Variants in DNAH8 observed in about 807,000 individuals in gnomAD.
DNAH8 encodes the protein axonemal beta dynein heavy chain 8.
A neutral mutation model predicts 562.1 loss-of-function variants in DNAH8; 382 were observed. The ratio of observed to expected loss-of-function variants is 0.68; its 90% CI spans 0.63 to 0.74. DNAH8 has a LOEUF of 0.74. Among genes scored for constraint, DNAH8 ranks in the 30% least tolerant of loss-of-function variants. The pLI is 0.00. For missense variants in DNAH8, 5,203 were observed against 5,620.4 expected (o/e 0.93, Z 2.37); for synonymous variants, 1,881 against 1,919.4 (o/e 0.98, Z 0.52).
intron 41 of DNAH8, 71 bp downstream of exon 41, chr6:38,853,418 G>A: frequency 6.5e-7 from 1 of 1,530,362 alleles, no homozygotes; most frequent in Non-Finnish European, 9.0e-7. Flanking sequence ...TTAGCAGGTG[G>A]TTGACCTGAT....
At chr6:38,796,343 A>G (rs1458079820) in intron 21 of DNAH8, among the ~76,000 whole-genome samples, 1 of 150,844 alleles carries the variant, frequency 6.6e-6, no homozygotes, top group East Asian at 1.9e-4. Flanking sequence ...CTCCATCCTC[A>G]TCCCAAGTCC....
At chr6:38,817,221 T>C (rs2150324426) in intron 26 of DNAH8, among the ~76,000 whole-genome samples, 1 of 152,268 alleles carries the variant, frequency 6.6e-6, no homozygotes, top group South Asian at 2.1e-4. Flanking sequence ...GGCACACACC[T>C]GTAATCCTAG....
chr6:38,861,747 T>A (rs1331883258), intron 43 of DNAH8, among the ~76,000 whole-genome samples: 1 of 152,306 alleles, frequency 6.6e-6, no homozygotes, highest in East Asian at 1.9e-4. Flanking sequence ...TTGGCCAGGC[T>A]GGTCTTGAAC....
At chr6:38,941,145 G>A (rs918855420) in intron 79 of DNAH8, among the ~76,000 whole-genome samples, 1 of 151,816 alleles carries the variant, frequency 6.6e-6, no homozygotes, top group Non-Finnish European at 1.5e-5. Context: ...AATCTAGACA[G>A]TCCAAGAGAA....
chr6:38,732,852 A>G (rs1763761227), intron 4 of DNAH8, among the ~76,000 whole-genome samples: 1 of 151,998 alleles, frequency 6.6e-6, no homozygotes, highest in Non-Finnish European at 1.5e-5. Context: ...CAGACAAAAC[A>G]TTTCTGTGGC....
At chr6:38,830,062 A>C (rs1773699052) in intron 30 of DNAH8, among the ~76,000 whole-genome samples, 1 of 152,148 alleles carries the variant, frequency 6.6e-6, no homozygotes, top group Non-Finnish European at 1.5e-5. Context: ...AGTTTAGGTA[A>C]AGGTAGTCAA....
intron 82 of DNAH8, among the ~76,000 whole-genome samples, chr6:38,952,885 C>T (rs1762014146): frequency 6.6e-6 from 1 of 152,210 alleles, no homozygotes; most frequent in African/African-American, 2.4e-5. Context: ...GTATTTACTG[C>T]AGCACACCAG....
intron 52 of DNAH8, 118 bp from the exon 53 acceptor site, chr6:38,875,473 C>G: frequency 1.6e-6 from 1 of 635,574 alleles, no homozygotes; most frequent in Non-Finnish European, 2.5e-6. Flanking sequence ...CAAGCAATAG[C>G]TTGAGATATA....
chr6:38,899,904 C>T lies in DNAH8; in HGVS notation c.9192C>T (p.Thr3064=). 1 of 1,580,410 alleles carries T rather than the reference C, an allele frequency of 6.3e-7. No homozygotes were observed. Among genetic ancestry groups the T allele is most frequent in the South Asian group, 1.2e-5 (1 of 84,766 alleles). The change falls in exon 62 of 93, where the codon ACC becomes ACT. Residue 3064 remains threonine, a splice_region_variant and synonymous_variant. Transcript: ENST00000327475. ...AGYQIFQITL[T]RSYNVTNLTD... ...ATCAAATATTCCAGATAACATTAAC[C>T]AGGTAGGATGAAATAAAACACAATA...
At chr6:39,007,081 G>A (rs1765845381) in intron 88 of DNAH8, among the ~76,000 whole-genome samples, 1 of 152,126 alleles carries the variant, frequency 6.6e-6, no homozygotes. Context: ...TGACCCTGAG[G>A]ATTTTTTATT....
chr6:38,831,229 A>C (rs1463878699), intron 30 of DNAH8, among the ~76,000 whole-genome samples: 1 of 151,930 alleles, frequency 6.6e-6, no homozygotes, highest in Non-Finnish European at 1.5e-5. Flanking sequence ...GTTCCAGACC[A>C]GCCTGGGCAA....
At chr6:38,765,847 A>G (rs1223843903) in intron 11 of DNAH8, among the ~76,000 whole-genome samples, 1 of 152,186 alleles carries the variant, frequency 6.6e-6, no homozygotes. Context: ...GTTGGTGAGG[A>G]TGTGCATGCT....
intron 74 of DNAH8, 105 bp from the exon 75 acceptor site, chr6:38,929,406 T>C (rs949368098): frequency 2.6e-6 from 3 of 1,146,808 alleles, no homozygotes; most frequent in Non-Finnish European, 2.4e-6. Context: ...CTTCTTCTAT[T>C]GCCCTTAAAA....
rs552188156 is a variant in DNAH8 at position 39,010,780 on chromosome 6, T to TATAC, written c.13372-1434_13372-1433insTACA. On this transcript the variant is annotated intron_variant, in intron 89 of 92. Coordinates refer to ENST00000327475, the MANE Select transcript of DNAH8 (RefSeq NM_001206927.2). ...TAGATATAATTTATATATATATATA[T>TATAC]ACACACACACGCACGTGTACGCACA... Among the ~76,000 whole-genome samples the TATAC allele has an allele frequency of 6.2e-3, 901 of 144,992 alleles. 6 individuals carry two copies. The highest frequency in any genetic ancestry group is 9.7e-3 in the Non-Finnish European group (644 of 66,708).
rs775870826 is a variant in DNAH8 at position 38,984,316 on chromosome 6, A to G, written c.13053+9A>G. On this transcript the variant is annotated intron_variant, in intron 87 of 92. Transcript: ENST00000327475. ...TTAATTGCTTTGCCAGAGTAAGTCA[A>G]TTTAGAAAAATAAAGTTTGGAGACA... 10 of 1,563,338 alleles carry G rather than the reference A, an allele frequency of 6.4e-6. No individual in the cohort carries two copies. Among genetic ancestry groups the G allele is most frequent in the Non-Finnish European group, 8.8e-6 (10 of 1,133,884 alleles).
intron 11 of DNAH8, among the ~76,000 whole-genome samples, chr6:38,767,156 G>T (rs1251621271): frequency 6.6e-6 from 1 of 151,966 alleles, no homozygotes; most frequent in East Asian, 1.9e-4. Flanking sequence ...CCAAACTCAG[G>T]CCAGACGCGG....
chr6:38,953,658 GT>G (rs777439128), intron 82 of DNAH8, among the ~76,000 whole-genome samples: 1 of 152,168 alleles, frequency 6.6e-6, no homozygotes, highest in African/African-American at 2.4e-5. Flanking sequence ...GTATTAGGAA[GT>G]CTCAGGCTGC....
chr6:38,948,380 C>T (rs1047624013), intron 80 of DNAH8, among the ~76,000 whole-genome samples: 7 of 151,790 alleles, frequency 4.6e-5, no homozygotes, highest in African/African-American at 1.7e-4. Context: ...TCTTGTTGCC[C>T]AGAGCTGGAG....
chr6:38,791,788 T>TG, intron 21 of DNAH8, 114 bp downstream of exon 21: 4 of 1,112,996 alleles, frequency 3.6e-6, no homozygotes, highest in Admixed American at 2.8e-5. Flanking sequence ...ACTTTTTTTT[T>TG]TTGTTTTTTG....
Sources: allele counts gnomAD v4.1 joint callset (sites outside exome capture counted in the v4.1 genomes callset), GRCh38; gene constraint gnomAD v4.1.1; transcripts MANE v1.5; gene names NCBI Gene and HGNC (gene_info 2026-07-23, HGNC 2026-07-21).